SNRNP35: variants seen among roughly 807,000 people sequenced by gnomAD.
SNRNP35 encodes the protein U11/U12 small nuclear ribonucleoprotein 35 kDa protein.
SNRNP35 carries 16 observed loss-of-function variants against 24.3 expected under a neutral mutation model. The ratio of observed to expected loss-of-function variants is 0.66; its 90% confidence interval spans 0.45 to 1.00. The LOEUF is 1.00. Among genes scored for constraint, SNRNP35 ranks in the 50% least tolerant of loss-of-function variants. The pLI is 0.00. For synonymous variants in SNRNP35, 106 were observed against 124.8 expected, an observed-to-expected ratio of 0.85 and a Z score of 1.00; for missense variants, 292 against 327.2, an observed-to-expected ratio of 0.89 and a Z score of 0.83.
At position 123,465,831 on chromosome 12, in the gene SNRNP35, C is replaced by T. The variant is rs754655831; in HGVS notation, c.291C>T (p.Ile97=). ...GTTTTTCAAAGGGCTACGCCTTCAT[C>T]GAATACAAGGAGGAGCGTGCCGTGA... The part of the protein sequence containing the change: ...VTGFSKGYAF[I]EYKEERAVIK... Residue 97 remains isoleucine, a synonymous_variant, in exon 2 of 2, where the codon ATC becomes ATT. Transcript: ENST00000526639. The surrounding 1 kb of genome is among the most constrained non-coding windows in gnomAD (Gnocchi z 4.2). 1.3e-5 allele frequency: 21 copies of T among 1,613,934 alleles called. No individual in the cohort carries two copies. The highest frequency in any genetic ancestry group is 1.1e-4 in the South Asian group (10 of 91,072).
Position 123,466,337 on chromosome 12 carries a change from T to G in SNRNP35, c.*56T>G. On this transcript the variant is annotated 3_prime_UTR_variant, in exon 2 of 2. Coordinates refer to ENST00000526639, the MANE Select transcript of SNRNP35 (RefSeq NM_022717.4). Reference sequence around the variant, plus strand: ...TACAGTGGAAATGAGTGGAGGGGGATTGTCTTTCAACGCAGCGTGAGTCTA... The same window carrying G: ...TACAGTGGAAATGAGTGGAGGGGGAGTGTCTTTCAACGCAGCGTGAGTCTA... The G allele has an allele frequency of 6.7e-7, 1 of 1,485,346 alleles. No homozygotes were observed. Among genetic ancestry groups the G allele is most frequent in the South Asian group, 1.4e-5 (1 of 69,910 alleles). 92.0% of individuals were successfully genotyped at this position (1,485,346 alleles called of 1,614,324 possible).
At chr12:123,458,269 G>A (rs1329775977) in intron 1 of SNRNP35, 53 bp downstream of exon 1, 43 of 978,466 alleles carry the variant, frequency 4.4e-5, no homozygotes, top group Non-Finnish European at 5.1e-5. Flanking sequence ...AGAAGGAAGA[G>A]GGAGTGCGGC....
At chr12:123,468,713 A>C (rs1881065941), downstream of SNRNP35, among the ~76,000 whole-genome samples, 1 of 152,116 alleles carries the variant, frequency 6.6e-6, no homozygotes, top group Admixed American at 6.6e-5. Context: ...AAAAACTTGC[A>C]CACTCAGACT....
At chr12:123,469,146 G>C (rs1881080079), downstream of SNRNP35, among the ~76,000 whole-genome samples, 1 of 151,694 alleles carries the variant, frequency 6.6e-6, no homozygotes, top group South Asian at 2.1e-4. Context: ...CCGTGGTTGA[G>C]AGCCACTGTC....
At chr12:123,459,385 CAAAT>C (rs1203459786) in intron 1 of SNRNP35, 1 of 152,198 alleles carries the variant, frequency 6.6e-6, no homozygotes, top group African/African-American at 2.4e-5. Context: ...TTACTGACCT[CAAAT>C]AATCCACCCG....
At chr12:123,461,833 T>C (rs1262952649) in intron 1 of SNRNP35, among the ~76,000 whole-genome samples, 1 of 151,886 alleles carries the variant, frequency 6.6e-6, no homozygotes, top group East Asian at 1.9e-4. Context: ...GCGATTCTCC[T>C]GCTGCAGCCT....
rs776774649 is a variant in SNRNP35, at chr12:123,465,834, A to G, written c.294A>G (p.Glu98=). 48 of 1,613,908 alleles carry G rather than the reference A, an allele frequency of 3.0e-5. No individual in the cohort carries two copies. The highest frequency in any genetic ancestry group is 5.0e-5 in the Admixed American group (3 of 59,920). ...TGFSKGYAFI[E]YKEERAVIKA... ...TTTCAAAGGGCTACGCCTTCATCGA[A>G]TACAAGGAGGAGCGTGCCGTGATCA... The change falls in exon 2 of 2, where the codon GAA becomes GAG. Residue 98 remains glutamate, a synonymous_variant. Coordinates refer to ENST00000526639, the MANE Select transcript of SNRNP35 (RefSeq NM_022717.4). This position sits in a 1 kb window ranked among gnomAD's most constrained non-coding sequence, Gnocchi z 4.2.
intron 1 of SNRNP35, among the ~76,000 whole-genome samples, chr12:123,460,581 T>TA (rs1880551426): frequency 8.9e-6 from 1 of 111,826 alleles, no homozygotes. Context: ...GCCTATGCAA[T>TA]ATAGTGAGAC....
chr12:123,460,950 C>G (rs188359680), intron 1 of SNRNP35, among the ~76,000 whole-genome samples: 2 of 148,348 alleles, frequency 1.3e-5, no homozygotes, highest in Non-Finnish European at 3.0e-5. Flanking sequence ...AGCTACTGCG[C>G]CTGGCCTTTT....
chr12:123,472,434 CAT>C (rs1332168855), exon 2 of SNRNP35: 3 of 1,278,742 alleles, frequency 2.3e-6, no homozygotes, highest in Non-Finnish European at 3.3e-6. Context: ...TTTCAGGGTG[CAT>C]CTGCACCGAG....
At position 123,465,687 on chromosome 12, in the gene SNRNP35, C is replaced by T. The variant is rs763883484; in HGVS notation, c.147C>T (p.Pro49=). The T allele has an allele frequency of 6.2e-7, 1 of 1,613,848 alleles. No homozygotes were observed. The highest frequency in any genetic ancestry group is 8.5e-7 in the Non-Finnish European group (1 of 1,179,902). The change falls in exon 2 of 2, where the codon CCC becomes CCT. Residue 49 remains proline, a synonymous_variant. Coordinates refer to ENST00000526639, the MANE Select transcript of SNRNP35 (RefSeq NM_022717.4). The surrounding 1 kb of genome is among the most constrained non-coding windows in gnomAD (Gnocchi z 4.2). The part of the protein sequence containing the change: ...YVPNKGVIGD[P]LLTLFVARLN... ...CCAACAAAGGTGTCATAGGAGATCC[C>T]CTCCTCACCCTGTTTGTGGCCAGAC...
exon 2 of SNRNP35, chr12:123,473,122 T>C (rs550809220): frequency 1.1e-5 from 2 of 177,382 alleles, no homozygotes; most frequent in East Asian, 1.4e-4. Flanking sequence ...AATAGTTCTG[T>C]ATTTGTTTAA....
rs773757079 is a variant in SNRNP35 at position 123,463,582 on chromosome 12, T to C, written c.-3-1956T>C. ...TAGTAGAGACGGGGTTTCACCATAT[T>C]GGCCAGACTGGTCTCAAACTCCTTG... On this transcript the variant is annotated intron_variant, in intron 1 of 1. Transcript: ENST00000526639. 4.4e-4 allele frequency among the ~76,000 whole-genome samples: 66 copies of C among 151,022 alleles called. 1 individual carries two copies. Among genetic ancestry groups the C allele is most frequent in the Non-Finnish European group, 4.4e-5 (3 of 67,774 alleles).
Position 123,466,072 on chromosome 12 carries a change from G to A in SNRNP35, c.532G>A (p.Glu178Lys). The A allele has an allele frequency of 1.2e-6, 2 of 1,613,916 alleles. No individual in the cohort carries two copies. The highest frequency in any genetic ancestry group is 1.7e-6 in the Non-Finnish European group (2 of 1,179,980). ...AGTTGTTAAAAACGACCTCTATAGA[G>A]AGGGAAAACGGGAAAGGCGGGAGCG... is the stretch of plus-strand genomic sequence containing the variant. The part of the protein sequence containing the change: ...LPVVKNDLYR[E>K]GKRERRERSR... Residue 178 changes from glutamate (E) to lysine (K), a missense_variant, in exon 2 of 2, where the codon GAG becomes AAG. Transcript: ENST00000526639.
At chr12:123,468,933 G>C (rs1197251970), downstream of SNRNP35, among the ~76,000 whole-genome samples, 1 of 152,152 alleles carries the variant, frequency 6.6e-6, no homozygotes, top group South Asian at 2.1e-4. Context: ...TAAAGGATTG[G>C]AAGGAAGCTA....
downstream of SNRNP35, among the ~76,000 whole-genome samples, chr12:123,467,277 C>T (rs1252108433): frequency 6.6e-6 from 1 of 152,166 alleles, no homozygotes; most frequent in East Asian, 1.9e-4. Context: ...CTCAAAATGC[C>T]GACTGCCTTT....
chr12:123,469,642 C>T (rs887908686), downstream of SNRNP35, among the ~76,000 whole-genome samples: 1 of 152,000 alleles, frequency 6.6e-6, no homozygotes, highest in Non-Finnish European at 1.5e-5. Context: ...CATAGGTGTA[C>T]ACCACCACAC....
exon 2 of SNRNP35, chr12:123,472,389 A>G (rs1372439944): frequency 1.3e-5 from 10 of 773,682 alleles, no homozygotes; most frequent in Admixed American, 1.2e-4. Flanking sequence ...TTCAATGTCC[A>G]TCCTCAAATC....
chr12:123,464,240 GTT>G (rs1173653190), intron 1 of SNRNP35, among the ~76,000 whole-genome samples: 6 of 123,920 alleles, frequency 4.8e-5, no homozygotes, highest in Non-Finnish European at 5.1e-5. Context: ...GCCAGCCAAG[GTT>G]TTTTTTTTTT....
Sources: allele counts gnomAD v4.1 joint callset (sites outside exome capture counted in the v4.1 genomes callset), GRCh38; gene constraint gnomAD v4.1.1; non-coding constraint Gnocchi (gnomAD v3.1); transcripts MANE v1.5; gene names NCBI Gene and HGNC (gene_info 2026-07-23, HGNC 2026-07-21).